Variants in TIMD4 observed in about 807,000 individuals in gnomAD.
TIMD4 encodes T-cell immunoglobulin and mucin domain-containing protein 4.
TIMD4 carries 31 observed loss-of-function variants against 41.2 expected under a neutral mutation model. That is an observed-to-expected ratio of 0.75 (90% confidence interval 0.57 to 1.01). The LOEUF is 1.01. Ranked by LOEUF, TIMD4 falls within the 50% of genes least tolerant of loss-of-function variation. The probability of loss-of-function intolerance (pLI) is 0.00; values close to 1 mark genes in which losing one functional copy is unlikely to be tolerated. For synonymous variants in TIMD4, 204 were observed against 177.1 expected (o/e 1.15, Z -1.21); for missense variants, 479 against 472.5 (o/e 1.01, Z -0.13).
At chr5:156,937,411 C>G (rs1485349861) in intron 5 of TIMD4, among the ~76,000 whole-genome samples, 1 of 152,222 alleles carries the variant, frequency 6.6e-6, no homozygotes, top group Non-Finnish European at 1.5e-5. Context: ...GCAGAACACA[C>G]TGAGGTTTAC....
chr5:156,949,217 C>T (rs987221334), intron 4 of TIMD4, among the ~76,000 whole-genome samples: 1 of 152,136 alleles, frequency 6.6e-6, no homozygotes, highest in Non-Finnish European at 1.5e-5. Context: ...GTGACCAATT[C>T]TCGCTCCACT....
intron 1 of TIMD4, among the ~76,000 whole-genome samples, chr5:156,962,664 G>T (rs1210062299): frequency 6.6e-6 from 1 of 152,070 alleles, no homozygotes; most frequent in African/African-American, 2.4e-5. Context: ...GTGTACACTT[G>T]CATCATCCAA....
At chr5:156,921,616 CAAAAAAAAAAAAAAAAAAA>C (rs66842169) in intron 7 of TIMD4, among the ~76,000 whole-genome samples, 2 of 47,252 alleles carry the variant, frequency 4.2e-5, no homozygotes, top group African/African-American at 7.2e-5. Context: ...GAGACTCTCT[CAAAAAAAAAAAAAAAAAAA>C]AAAAAAAAAA....
intron 1 of TIMD4, among the ~76,000 whole-genome samples, chr5:156,957,428 G>A (rs948423059): frequency 3.4e-5 from 5 of 148,270 alleles, no homozygotes; most frequent in Admixed American, 6.9e-5. Context: ...CAGGAGAATC[G>A]CTGGAACCCA....
rs1759216743 is a variant in TIMD4 at position 156,920,513 on chromosome 5, C to G, written c.1013-10G>C. Reference sequence around the variant, plus strand: ...GTTTCCATGAGTTTCCCTGAAAAGACAAGGCCACAGTGTGAGCAGAGTGGC... The same window carrying G: ...GTTTCCATGAGTTTCCCTGAAAAGAGAAGGCCACAGTGTGAGCAGAGTGGC... On this transcript the variant is annotated splice_polypyrimidine_tract_variant and intron_variant, in intron 7 of 8. Coordinates refer to ENST00000274532, the MANE Select transcript of TIMD4 (RefSeq NM_138379.3). The G allele has an allele frequency of 6.2e-7, 1 of 1,613,850 alleles. No individual in the cohort carries two copies. Among genetic ancestry groups the G allele is most frequent in the African/African-American group, 1.3e-5 (1 of 74,896 alleles).
intron 5 of TIMD4, among the ~76,000 whole-genome samples, chr5:156,927,892 C>G (rs1246289552): frequency 6.6e-6 from 1 of 152,000 alleles, no homozygotes; most frequent in Non-Finnish European, 1.5e-5. Context: ...AAGCACAATT[C>G]CCCTAACAAG....
chr5:156,922,286 G>T, intron 6 of TIMD4, 70 bp from the exon 7 acceptor site: 1 of 1,149,636 alleles, frequency 8.7e-7, no homozygotes, highest in Non-Finnish European at 1.3e-6. Flanking sequence ...TGACATCCCA[G>T]CCCAATAGCA....
chr5:156,948,375 A>G, intron 5 of TIMD4, 41 bp downstream of exon 5: 1 of 1,137,814 alleles, frequency 8.8e-7, no homozygotes, highest in Non-Finnish European at 1.1e-6. Flanking sequence ...AATAATAATT[A>G]ATAAAGTAAA....
chr5:156,940,330 C>T (rs1028466336), intron 5 of TIMD4, among the ~76,000 whole-genome samples: 17 of 152,336 alleles, frequency 1.1e-4, no homozygotes, highest in African/African-American at 4.1e-4. Context: ...CAGCCGCCTG[C>T]CTTGGCCTCC....
At chr5:156,932,866 T>G (rs183026809) in intron 5 of TIMD4, among the ~76,000 whole-genome samples, 186 of 152,068 alleles carry the variant, frequency 1.2e-3, no homozygotes, top group African/African-American at 4.3e-3. Flanking sequence ...TAGCCAGGCG[T>G]GGTGGTGGGT....
intron 1 of TIMD4, among the ~76,000 whole-genome samples, chr5:156,955,713 T>C (rs893469995): frequency 6.6e-6 from 1 of 151,998 alleles, no homozygotes; most frequent in Non-Finnish European, 1.5e-5. Context: ...GAGAGAAAGA[T>C]AGGCTGTAAA....
At chr5:156,951,367 G>A (rs1216906681) in intron 3 of TIMD4, 145 bp downstream of exon 3, 12 of 992,538 alleles carry the variant, frequency 1.2e-5, no homozygotes, top group Admixed American at 2.8e-5. Context: ...CCCAGTCTGC[G>A]GTGTTTGTTT....
At chr5:156,949,771 T>C in intron 3 of TIMD4, 40 bp from the exon 4 acceptor site, 1 of 1,322,148 alleles carries the variant, frequency 7.6e-7, no homozygotes, top group South Asian at 1.2e-5. Context: ...AGCTGAAAAG[T>C]AGTTATTGTG....
At chr5:156,952,807 GC>G (rs1759887037) in intron 2 of TIMD4, among the ~76,000 whole-genome samples, 1 of 152,158 alleles carries the variant, frequency 6.6e-6, no homozygotes, top group Non-Finnish European at 1.5e-5. Flanking sequence ...TTTGTTCTAT[GC>G]TACAAATCCA....
chr5:156,933,448 C>T (rs1457529315), intron 5 of TIMD4, among the ~76,000 whole-genome samples: 1 of 149,618 alleles, frequency 6.7e-6, no homozygotes, highest in African/African-American at 2.5e-5. Context: ...AGTGAGATCT[C>T]GCCCCCCAAC....
intron 5 of TIMD4, among the ~76,000 whole-genome samples, chr5:156,937,423 CTT>C (rs1759560718): frequency 6.6e-6 from 1 of 152,218 alleles, no homozygotes; most frequent in Admixed American, 6.5e-5. Context: ...GAGGTTTACT[CTT>C]TTATTCTACC....
At chr5:156,956,682 G>A (rs1759977105) in intron 1 of TIMD4, among the ~76,000 whole-genome samples, 1 of 152,234 alleles carries the variant, frequency 6.6e-6, no homozygotes. Flanking sequence ...GTTTAATTGT[G>A]CATCAGAGAT....
At chr5:156,920,407 A>G (rs778119240) in intron 8 of TIMD4, 57 bp downstream of exon 8, 1 of 1,570,480 alleles carries the variant, frequency 6.4e-7, no homozygotes, top group Non-Finnish European at 8.8e-7. Context: ...GTAGTAGCTA[A>G]TCATTTGTAA....
chr5:156,932,601 T>C (rs1334972139), intron 5 of TIMD4, among the ~76,000 whole-genome samples: 1 of 152,206 alleles, frequency 6.6e-6, no homozygotes, highest in Non-Finnish European at 1.5e-5. Flanking sequence ...GTTCTATAGT[T>C]AGGTAAGATG....
Sources: gnomAD v4.1 joint callset for allele counts (sites outside exome capture counted in the v4.1 genomes callset) on GRCh38, gnomAD v4.1.1 for gene constraint, MANE v1.5 for transcripts, NCBI Gene and HGNC (gene_info 2026-07-23, HGNC 2026-07-21) for gene names.